SEMA5A: variants seen among roughly 807,000 people sequenced by gnomAD.
The protein encoded by SEMA5A is semaphorin-5A.
Under a neutral mutation model 135.5 loss-of-function variants are expected in SEMA5A, and 55 were observed. The observed-to-expected ratio is 0.41, with a 90% CI of 0.33 to 0.51. The LOEUF is 0.51. Ranked by LOEUF, SEMA5A falls within the 20% of genes least tolerant of loss-of-function variation. The pLI is 0.37. For missense variants in SEMA5A, 1,290 were observed against 1,419.9 expected (o/e 0.91, Z 1.47); for synonymous variants, 580 against 546.5 (o/e 1.06, Z -0.85).
intron 5 of SEMA5A, among the ~76,000 whole-genome samples, chr5:9,298,592 A>G (rs912662683): frequency 2.0e-5 from 3 of 152,226 alleles, no homozygotes; most frequent in Admixed American, 1.3e-4. Flanking sequence ...ACAAAAATAC[A>G]TAAGTAATCT....
intron 18 of SEMA5A, 22 bp from the exon 19 acceptor site, chr5:9,054,279 C>G: frequency 6.2e-7 from 1 of 1,606,072 alleles, no homozygotes; most frequent in Non-Finnish European, 8.5e-7. Context: ...CACAATGTCA[C>G]AGCTCTTCTA....
At chr5:9,058,126 T>C (rs938711421) in intron 18 of SEMA5A, among the ~76,000 whole-genome samples, 2 of 152,120 alleles carry the variant, frequency 1.3e-5, no homozygotes, top group African/African-American at 2.4e-5. Context: ...TAGATTTTTT[T>C]CCCCTGCTAT....
At chr5:9,514,208 C>G (rs1446130216) in intron 1 of SEMA5A, among the ~76,000 whole-genome samples, 2 of 152,186 alleles carry the variant, frequency 1.3e-5, no homozygotes, top group African/African-American at 4.8e-5. Flanking sequence ...TGCAGCAAAT[C>G]TTCCTCTGCT....
At chr5:9,424,508 C>A (rs1216617099) in intron 2 of SEMA5A, among the ~76,000 whole-genome samples, 3 of 152,272 alleles carry the variant, frequency 2.0e-5, no homozygotes, top group Non-Finnish European at 4.4e-5. Flanking sequence ...ATGTCAATGA[C>A]CCCCAGATAC....
chr5:9,302,215 C>A (rs1345843167), intron 5 of SEMA5A, among the ~76,000 whole-genome samples: 4 of 152,158 alleles, frequency 2.6e-5, no homozygotes, highest in Non-Finnish European at 1.5e-5. Context: ...CACATCTTTG[C>A]CATGTAAGGT....
chr5:9,325,576 G>A (rs970109417), intron 4 of SEMA5A, among the ~76,000 whole-genome samples: 6 of 152,122 alleles, frequency 3.9e-5, no homozygotes, highest in South Asian at 2.1e-4. Flanking sequence ...ATATATTCTC[G>A]GAGGGAGCAG....
At chr5:9,329,543 A>C (rs778221771) in intron 4 of SEMA5A, among the ~76,000 whole-genome samples, 1 of 152,226 alleles carries the variant, frequency 6.6e-6, no homozygotes, top group Non-Finnish European at 1.5e-5. Context: ...TTCAATAAAT[A>C]TTTGAGTAAC....
chr5:9,132,969 AC>A (rs1161473679), intron 13 of SEMA5A, among the ~76,000 whole-genome samples: 1 of 152,180 alleles, frequency 6.6e-6, no homozygotes, highest in Non-Finnish European at 1.5e-5. Context: ...CTGATTGCAA[AC>A]TTCCCTCTGC....
chr5:9,439,876 G>A (rs1758170330), intron 1 of SEMA5A, among the ~76,000 whole-genome samples: 1 of 152,228 alleles, frequency 6.6e-6, no homozygotes, highest in Admixed American at 6.5e-5. Flanking sequence ...GCTTCCTACA[G>A]AGTTTGATGT....
intron 1 of SEMA5A, chr5:9,517,531 AC>A (rs1367765886): frequency 6.6e-6 from 1 of 152,196 alleles, no homozygotes; most frequent in East Asian, 1.9e-4. Flanking sequence ...TGGAATAAAC[AC>A]CAGGAGTGCA....
At chr5:9,278,733 A>G (rs567397241) in intron 5 of SEMA5A, among the ~76,000 whole-genome samples, 28 of 152,250 alleles carry the variant, frequency 1.8e-4, no homozygotes, top group Non-Finnish European at 3.1e-4. Context: ...GCCAAGGTAC[A>G]GCTCAGGCTG....
At chr5:9,361,536 G>T (rs1245932494) in intron 3 of SEMA5A, among the ~76,000 whole-genome samples, 1 of 152,046 alleles carries the variant, frequency 6.6e-6, no homozygotes, top group Admixed American at 6.6e-5. Flanking sequence ...CTTACTCTGG[G>T]TTTAAATGTG....
At chr5:9,388,418 GTTCA>G (rs2126518126) in intron 2 of SEMA5A, among the ~76,000 whole-genome samples, 1 of 149,894 alleles carries the variant, frequency 6.7e-6, no homozygotes, top group African/African-American at 2.5e-5. Flanking sequence ...CTAAGTGAAA[GTTCA>G]TTCAATCTAC....
chr5:9,180,099 T>C (rs1002020920), intron 11 of SEMA5A, among the ~76,000 whole-genome samples: 2 of 152,216 alleles, frequency 1.3e-5, no homozygotes, highest in East Asian at 3.8e-4. Context: ...ATTCTCCTGG[T>C]TTGCCTCTTT....
chr5:9,335,122 C>T (rs1053356306), intron 4 of SEMA5A, among the ~76,000 whole-genome samples: 27 of 151,670 alleles, frequency 1.8e-4, no homozygotes, highest in Non-Finnish European at 3.1e-4. Context: ...GGGATGGAGA[C>T]GACAGGGATG....
chr5:9,167,136 T>C (rs769401972), intron 11 of SEMA5A, among the ~76,000 whole-genome samples: 5 of 152,116 alleles, frequency 3.3e-5, no homozygotes, highest in Non-Finnish European at 5.9e-5. Flanking sequence ...AATAAGAAAA[T>C]TATTTTGTCA....
intron 5 of SEMA5A, among the ~76,000 whole-genome samples, chr5:9,277,917 C>T (rs927159420): frequency 4.6e-5 from 7 of 151,910 alleles, no homozygotes; most frequent in African/African-American, 9.7e-5. Flanking sequence ...ATGTAACAGA[C>T]TTGCATGTTC....
chr5:9,241,996 T>C (rs963960849), intron 5 of SEMA5A, among the ~76,000 whole-genome samples: 2 of 152,208 alleles, frequency 1.3e-5, no homozygotes, highest in Non-Finnish European at 2.9e-5. Flanking sequence ...ACAAAACTAG[T>C]TTAATTACAC....
At chr5:9,473,011 T>A (rs2126758991) in intron 1 of SEMA5A, among the ~76,000 whole-genome samples, 1 of 150,306 alleles carries the variant, frequency 6.7e-6, no homozygotes, top group South Asian at 2.1e-4. Flanking sequence ...CATCATTTCC[T>A]TACCGGTGGC....
Sources: allele counts gnomAD v4.1 joint callset (sites outside exome capture counted in the v4.1 genomes callset), GRCh38; gene constraint gnomAD v4.1.1; transcripts MANE v1.5; gene names NCBI Gene and HGNC (gene_info 2026-07-23, HGNC 2026-07-21).